Variants in PCDHA3 observed in about 807,000 individuals in gnomAD.
PCDHA3 encodes protocadherin alpha 3, also known as protocadherin alpha-3.
Under a neutral mutation model 62.2 loss-of-function variants are expected in PCDHA3, and 41 were observed. The ratio of observed to expected loss-of-function variants is 0.66; its 90% CI spans 0.51 to 0.86. PCDHA3 has a LOEUF of 0.86. Among genes scored for constraint, PCDHA3 ranks in the 40% least tolerant of loss-of-function variants. PCDHA3 has a pLI of 0.00. For missense variants in PCDHA3, 1,304 were observed against 1,241.2 expected (o/e 1.05, Z -0.76); for synonymous variants, 640 against 555.4 (o/e 1.15, Z -2.14).
At chr5:140,803,653 C>T (rs781810632) in intron 1 of PCDHA3, 62 bp downstream of exon 1, 2 of 1,610,548 alleles carry the variant, frequency 1.2e-6, no homozygotes, top group Non-Finnish European at 1.7e-6. Flanking sequence ...AATGTTTCCA[C>T]TCCTCTGGAA....
At chr5:140,945,790 T>C (rs1340396620) in intron 1 of PCDHA3, among the ~76,000 whole-genome samples, 2 of 152,010 alleles carry the variant, frequency 1.3e-5, no homozygotes, top group South Asian at 2.1e-4. Context: ...TGCAGAAAAA[T>C]GAAACTAGAC....
Position 140,839,456 on chromosome 5 carries a change from C to G in PCDHA3, c.2394+35865C>G, listed in dbSNP as rs1456767329. Reference sequence around the variant, plus strand: ...CCAGACTGCAGTGCAGTGGCACAATCTGGGCTTACTGCAATCTCTGCCTCC... The same window carrying G: ...CCAGACTGCAGTGCAGTGGCACAATGTGGGCTTACTGCAATCTCTGCCTCC... On this transcript the variant is annotated intron_variant, in intron 1 of 3. Transcript: ENST00000522353. 1.3e-5 allele frequency among the ~76,000 whole-genome samples: 2 copies of G among 151,882 alleles called. 1 individual carries two copies. The highest frequency in any genetic ancestry group is 2.9e-5 in the Non-Finnish European group (2 of 67,974).
chr5:140,995,684 A>G (rs2097694657), intron 3 of PCDHA3, among the ~76,000 whole-genome samples: 1 of 152,144 alleles, frequency 6.6e-6, no homozygotes, highest in Non-Finnish European at 1.5e-5. Context: ...ATTTTTTTTA[A>G]TTGTTAAATA....
intron 1 of PCDHA3, chr5:140,882,426 G>A (rs148335988): frequency 6.1e-5 from 99 of 1,613,954 alleles, no homozygotes; most frequent in Non-Finnish European, 7.9e-5. Context: ...CAGGACCTGG[G>A]GCTGGAGCTG....
At chr5:140,877,198 G>C (rs781787046) in intron 1 of PCDHA3, 26 of 1,613,712 alleles carry the variant, frequency 1.6e-5, no homozygotes, top group Non-Finnish European at 2.2e-5. Flanking sequence ...CGCAGGAGGC[G>C]CAGTTAGCGA....
chr5:140,848,884 C>T, intron 1 of PCDHA3: 2 of 1,591,388 alleles, frequency 1.3e-6, no homozygotes, highest in South Asian at 1.1e-5. Flanking sequence ...AACGACAACC[C>T]TCCAGTGTTC....
intron 1 of PCDHA3, among the ~76,000 whole-genome samples, chr5:140,826,476 C>A (rs1486348458): frequency 6.6e-6 from 1 of 152,104 alleles, no homozygotes; most frequent in Non-Finnish European, 1.5e-5. Context: ...AGGCATTTTA[C>A]TGTATATCAG....
intron 1 of PCDHA3, chr5:140,926,925 G>C (rs1554203816): frequency 6.4e-7 from 1 of 1,574,118 alleles, no homozygotes; most frequent in South Asian, 1.2e-5. Context: ...TTTTATGTTT[G>C]TGGGTTTCCT....
chr5:140,809,784 A>G (rs999775431), intron 1 of PCDHA3: 3 of 494,866 alleles, frequency 6.1e-6, no homozygotes, highest in East Asian at 3.4e-5. Context: ...ATGCATATTA[A>G]CAGAACTGTA....
chr5:140,829,425 T>G (rs2150167679), intron 1 of PCDHA3: 1 of 1,613,952 alleles, frequency 6.2e-7, no homozygotes, highest in South Asian at 1.1e-5. Flanking sequence ...TCTGTGGAGG[T>G]GGCCGACATG....
chr5:140,950,952 A>G (rs1554219699), intron 1 of PCDHA3, among the ~76,000 whole-genome samples: 2 of 151,782 alleles, frequency 1.3e-5, no homozygotes, highest in Admixed American at 1.3e-4. Context: ...GATCATTTCT[A>G]TTGATCTATT....
At chr5:140,924,968 C>T (rs1376675912) in intron 1 of PCDHA3, among the ~76,000 whole-genome samples, 1 of 150,880 alleles carries the variant, frequency 6.6e-6, no homozygotes, top group Non-Finnish European at 1.5e-5. Context: ...AAGGTGAGTG[C>T]AGTGGCTCAT....
intron 3 of PCDHA3, among the ~76,000 whole-genome samples, chr5:140,990,831 A>G (rs1004872074): frequency 6.6e-6 from 1 of 152,192 alleles, no homozygotes; most frequent in Non-Finnish European, 1.5e-5. Context: ...GCTAAAGCCT[A>G]TTAGCAAAAA....
chr5:140,834,178 C>A, intron 1 of PCDHA3: 1 of 557,362 alleles, frequency 1.8e-6, no homozygotes, highest in Non-Finnish European at 3.1e-6. Context: ...ACATGATGGC[C>A]ACATGATGTC....
At chr5:140,892,561 A>T (rs766284976) in intron 1 of PCDHA3, among the ~76,000 whole-genome samples, 1 of 152,156 alleles carries the variant, frequency 6.6e-6, no homozygotes, top group Non-Finnish European at 1.5e-5. Context: ...GTCCTTGGAG[A>T]CTGTCAAAAG....
chr5:140,848,559 G>C, intron 1 of PCDHA3: 1 of 1,595,568 alleles, frequency 6.3e-7, no homozygotes, highest in Non-Finnish European at 8.6e-7. Context: ...TCTGATCCTC[G>C]CAATGTGGGT....
intron 3 of PCDHA3, among the ~76,000 whole-genome samples, chr5:140,987,520 G>T (rs1221115195): frequency 2.0e-5 from 3 of 152,106 alleles, no homozygotes; most frequent in Non-Finnish European, 4.4e-5. Context: ...CTCAGTAATT[G>T]TATGTTCCTG....
chr5:140,961,236 T>G (rs246004), intron 1 of PCDHA3, among the ~76,000 whole-genome samples: 1 of 151,942 alleles, frequency 6.6e-6, no homozygotes, highest in African/African-American at 2.4e-5. Context: ...AAAAAGGTGA[T>G]GGAATTTATC....
rs782109045 is a variant in PCDHA3 at position 140,856,427 on chromosome 5, G to C, written c.2394+52836G>C. ...GGACGTGGAAGTGAAGGACATTAAC[G>C]ACAACCCGCCCAGGTTCTCCGTAAC... On this transcript the variant is annotated intron_variant, in intron 1 of 3. Transcript: ENST00000522353. 9 of 1,598,364 alleles carry C rather than the reference G, an allele frequency of 5.6e-6. 1 individual carries two copies. Among genetic ancestry groups the C allele is most frequent in the South Asian group, 1.1e-5 (1 of 90,520 alleles).
Sources: gnomAD v4.1 joint callset for allele counts (sites outside exome capture counted in the v4.1 genomes callset) on GRCh38, gnomAD v4.1.1 for gene constraint, MANE v1.5 for transcripts, NCBI Gene and HGNC (gene_info 2026-07-23, HGNC 2026-07-21) for gene names.